The following NOTCH1 variants were observed in gnomAD, a reference collection of about 807,000 sequenced individuals.
NOTCH1 encodes the protein notch receptor 1.
A neutral mutation model predicts 254.8 loss-of-function variants in NOTCH1; 37 were observed. That is an observed-to-expected ratio of 0.15 (90% CI 0.11 to 0.19). The LOEUF is 0.19. Ranked by LOEUF, NOTCH1 falls within the 10% of genes least tolerant of loss-of-function variation. The pLI, the probability that NOTCH1 is intolerant of heterozygous loss-of-function variation, is 1.00. For synonymous variants in NOTCH1, 1,731 were observed against 1,618.1 expected, an observed-to-expected ratio of 1.07 and a Z score of -1.68; for missense variants, 2,972 against 3,708.6, an observed-to-expected ratio of 0.80 and a Z score of 5.16.
intron 2 of NOTCH1, among the ~76,000 whole-genome samples, chr9:136,541,449 C>T (rs1036051972): frequency 2.6e-5 from 4 of 152,168 alleles, no homozygotes; most frequent in Non-Finnish European, 5.9e-5. Context: ...AAGCTCTTTC[C>T]GGGGTCACAG....
chr9:136,505,921 AC>A (rs1326943808), intron 24 of NOTCH1, 40 bp from the exon 25 acceptor site: 10 of 1,489,372 alleles, frequency 6.7e-6, no homozygotes, highest in Admixed American at 2.1e-5. Flanking sequence ...GGGGTGGGCC[AC>A]CCCCCGCCCC....
intron 3 of NOTCH1, 52 bp from the exon 4 acceptor site, chr9:136,523,240 C>A: frequency 6.5e-7 from 1 of 1,530,400 alleles, no homozygotes; most frequent in Non-Finnish European, 8.8e-7. Context: ...TCCCCGAGGC[C>A]GGGCCTTCCC....
chr9:136,528,532 AGGGACGGGCAGGGACAGTTGGT>A (rs1168557365), intron 2 of NOTCH1, among the ~76,000 whole-genome samples: 4 of 15,910 alleles, frequency 2.5e-4, no homozygotes, highest in Admixed American at 1.3e-3. Flanking sequence ...GGGACAGTGG[AGGGACGGGCAGGGACAGTTGGT>A]GGGACGGGCA....
At chr9:136,533,826 G>C (rs917949337) in intron 2 of NOTCH1, among the ~76,000 whole-genome samples, 2 of 152,276 alleles carry the variant, frequency 1.3e-5, no homozygotes, top group Non-Finnish European at 2.9e-5. Context: ...TAACCTGACC[G>C]CTTGGGCTGT....
At position 136,500,486 on chromosome 9, in the gene NOTCH1, C is replaced by CCGCAG. The variant is rs1193028724; in HGVS notation, c.5934+65_5934+66insCTGCG. 2.5e-6 allele frequency: 4 copies of CCGCAG among 1,586,790 alleles called. No individual in the cohort carries two copies. The East Asian group carries it at 6.7e-5, about 27-fold the overall frequency. ...GGCTCCCAGGGCCACGTAAGCCTGG[C>CCGCAG]CACTGCCCCAGACCACCAGGCGGCC... On this transcript the variant is annotated intron_variant, in intron 31 of 33. Transcript: ENST00000651671.
intron 15 of NOTCH1, 49 bp downstream of exon 15, chr9:136,512,972 T>TC: frequency 6.8e-6 from 2 of 294,228 alleles, no homozygotes; most frequent in Admixed American, 4.6e-5. Context: ...GTCCCGCCCC[T>TC]CCCACATAGG....
In NOTCH1 at chr9:136,529,556, T is replaced by C. The variant is rs4880101; in HGVS notation, c.141-5577A>G. Among the ~76,000 whole-genome samples, 1,451 of 152,300 alleles carry C rather than the reference T, an allele frequency of 9.5e-3. 9 individuals carry two copies. Among genetic ancestry groups the C allele is most frequent in the Non-Finnish European group, 0.017 (1,139 of 67,998 alleles). On this transcript the variant is annotated intron_variant, in intron 2 of 33. Transcript: ENST00000651671. ...GGATGGAGGAGGCTTGGGAAGATGC[T>C]GGAACCTCGTTGCTCACAGCCCCTT...
At chr9:136,497,598 C>A in intron 33 of NOTCH1, 40 bp from the exon 34 acceptor site, 1 of 1,509,240 alleles carries the variant, frequency 6.6e-7, no homozygotes, top group South Asian at 1.2e-5. Flanking sequence ...GGGGCCAGGC[C>A]AGGCGTGGGG....
In NOTCH1 at chr9:136,523,201, G is replaced by T. The variant is rs766360723; in HGVS notation, c.404-13C>A. The T allele has an allele frequency of 1.3e-6, 2 of 1,588,404 alleles. No homozygotes were observed. Among genetic ancestry groups the T allele is most frequent in the South Asian group, 1.1e-5 (1 of 87,470 alleles). ...TGGCACGATTTCCCTGGAGACAAGG[G>T]GACAAGAGGGTCGTGCTGGCCTCAC... On this transcript the variant is annotated splice_polypyrimidine_tract_variant and intron_variant, in intron 3 of 33. Coordinates refer to ENST00000651671, the MANE Select transcript of NOTCH1 (RefSeq NM_017617.5).
At chr9:136,527,509 C>G in intron 2 of NOTCH1, among the ~76,000 whole-genome samples, 1 of 152,244 alleles carries the variant, frequency 6.6e-6, no homozygotes, top group East Asian at 1.9e-4. Flanking sequence ...ACCCCACCTT[C>G]CACCGTCCCC....
intron 4 of NOTCH1, among the ~76,000 whole-genome samples, chr9:136,520,263 C>G (rs898044201): frequency 6.6e-6 from 1 of 152,236 alleles, no homozygotes; most frequent in Non-Finnish European, 1.5e-5. Context: ...GCCGCCCTCC[C>G]GAGATGCCTT....
At position 136,511,162 on chromosome 9, in the gene NOTCH1, C is replaced by G. The variant is rs747189377; in HGVS notation, c.2577G>C (p.Thr859=). The change falls in exon 16 of 34, where the codon ACG becomes ACC. Residue 859 remains threonine (T), a synonymous_variant. Coordinates refer to ENST00000651671, the MANE Select transcript of NOTCH1 (RefSeq NM_017617.5). Reference sequence around the variant, plus strand: ...CCTGGCCAGCCTCACCTTGCCAGCCCGTGGGGCAGACACAGGAGAAGCTCT... The same window carrying G: ...CCTGGCCAGCCTCACCTTGCCAGCCGGTGGGGCAGACACAGGAGAAGCTCT... The part of the protein sequence containing the change: ...DYESFSCVCP[T]GWQGQTCEVD... 1.2e-6 allele frequency: 2 copies of G among 1,612,932 alleles called. No individual in the cohort carries two copies. The highest frequency in any genetic ancestry group is 2.2e-5 in the South Asian group (2 of 91,090).
chr9:136,505,844 G>A lies in NOTCH1; in HGVS notation c.4052C>T (p.Thr1351Ile), dbSNP rs1357611221. The A allele has an allele frequency of 1.3e-6, 2 of 1,595,194 alleles. No homozygotes were observed. Among genetic ancestry groups the A allele is most frequent in the Non-Finnish European group, 1.7e-6 (2 of 1,177,806 alleles). Residue 1351 changes from threonine to isoleucine, a missense_variant, in exon 25 of 34, where the codon ACC becomes ATC. By Grantham distance (89) the Thr-to-Ile change is moderately conservative. Coordinates refer to ENST00000651671, the MANE Select transcript of NOTCH1 (RefSeq NM_017617.5). ...GTTGAGGCAGCGCAGGCTGCCGCAGGTACGAGCGTCATTCTCACACGTGGC... is the reference window on the plus strand; with the variant it reads ...GTTGAGGCAGCGCAGGCTGCCGCAGATACGAGCGTCATTCTCACACGTGGC... ...EGATCENDAR[T>I]CGSLRCLNGG...
chr9:136,520,639 G>A (rs1843352163), intron 4 of NOTCH1, among the ~76,000 whole-genome samples: 1 of 152,094 alleles, frequency 6.6e-6, no homozygotes, highest in Non-Finnish European at 1.5e-5. Flanking sequence ...TTGAGGGGCT[G>A]AGGCAGAAGG....
intron 21 of NOTCH1, 111 bp from the exon 22 acceptor site, chr9:136,507,548 A>G: frequency 6.8e-7 from 1 of 1,462,212 alleles, no homozygotes; most frequent in South Asian, 1.2e-5. Flanking sequence ...CCTCAGGTCC[A>G]GCGAAGCCAC....
Position 136,516,137 on chromosome 9 carries a change from A to G in NOTCH1, c.1556-43T>C, listed in dbSNP as rs4880099. On this transcript the variant is annotated intron_variant, in intron 9 of 33. Transcript: ENST00000651671. Reference sequence around the variant, plus strand: ...AGGGGAGGGAGTCATGTGCAACAGCACTATGGCCCTTCAGGGACCCCTGGC... The same window carrying G: ...AGGGGAGGGAGTCATGTGCAACAGCGCTATGGCCCTTCAGGGACCCCTGGC... 869,391 of 1,440,408 alleles carry G rather than the reference A, an allele frequency of 0.6. 266,554 individuals carry two copies. The highest frequency in any genetic ancestry group is 0.91 in the East Asian group (39,868 of 43,888). The allele number at this position is 1,440,408 out of a possible 1,614,324, so 89.2% of individuals were successfully genotyped here.
intron 15 of NOTCH1, among the ~76,000 whole-genome samples, chr9:136,512,004 G>A (rs779906776): frequency 2.6e-5 from 4 of 152,256 alleles, no homozygotes; most frequent in East Asian, 1.9e-4. Flanking sequence ...CTGCTGGGGC[G>A]ACTTTCCAGG....
chr9:136,505,618 G>A lies in NOTCH1; in HGVS notation c.4278C>T (p.His1426=), dbSNP rs1324841238. The change falls in exon 25 of 34, where the codon CAC becomes CAT. Residue 1426 remains histidine (H), a synonymous_variant. Coordinates refer to ENST00000651671, the MANE Select transcript of NOTCH1 (RefSeq NM_017617.5). ...CACCCCCGAAGCTGTAGTCCAGGATGTGGCACAAGAGCCCGTTGAATTTGG... is the reference window on the plus strand; with the variant it reads ...CACCCCCGAAGCTGTAGTCCAGGATATGGCACAAGAGCCCGTTGAATTTGG... ...CPAKFNGLLC[H]ILDYSFGGGA... is the part of the protein sequence containing the mutation. 1 of 1,612,186 alleles carries A rather than the reference G, an allele frequency of 6.2e-7. No homozygotes were observed. The highest frequency in any genetic ancestry group is 8.5e-7 in the Non-Finnish European group (1 of 1,179,632).
rs1843717590 is a variant in NOTCH1, at chr9:136,540,495, G to A, written c.140+3529C>T. ...AATCAATTAAACATTCAGGAAGGAG[G>A]CTCTGGAAACCAGCACTGTCAGCCA... On this transcript the variant is annotated intron_variant, in intron 2 of 33. Transcript: ENST00000651671. This position sits in a 1 kb window ranked among gnomAD's most constrained non-coding sequence, Gnocchi z 4.4. Among the ~76,000 whole-genome samples, 2 of 152,136 alleles carry A rather than the reference G, an allele frequency of 1.3e-5. No homozygotes were observed. Among genetic ancestry groups the A allele is most frequent in the South Asian group, 2.1e-4 (1 of 4,824 alleles).
Sources: gnomAD v4.1 joint callset for allele counts (sites outside exome capture counted in the v4.1 genomes callset) on GRCh38, gnomAD v4.1.1 for gene constraint, Gnocchi (gnomAD v3.1) non-coding constraint, MANE v1.5 for transcripts, NCBI Gene and HGNC (gene_info 2026-07-23, HGNC 2026-07-21) for gene names.